Variants in GARNL3 observed in about 807,000 individuals in gnomAD.
The protein encoded by GARNL3 is GTPase activating Rap/RanGAP domain like 3.
Under a neutral mutation model 125.0 loss-of-function variants are expected in GARNL3, and 63 were observed. The observed-to-expected ratio is 0.50, with a 90% confidence interval of 0.41 to 0.62. The LOEUF is 0.62. Ranked by LOEUF, GARNL3 falls within the 20% of genes least tolerant of loss-of-function variation. The probability of loss-of-function intolerance (pLI) is 0.00; values close to 1 mark genes in which losing one functional copy is unlikely to be tolerated. For missense variants in GARNL3, 994 were observed against 1,244.0 expected (o/e 0.80, Z 3.02); for synonymous variants, 439 against 457.5 (o/e 0.96, Z 0.52).
chr9:127,346,176 C>G (rs1830129725), intron 16 of GARNL3, among the ~76,000 whole-genome samples: 1 of 152,148 alleles, frequency 6.6e-6, no homozygotes, highest in Non-Finnish European at 1.5e-5. Context: ...CAAAAATACA[C>G]AAATTATATT....
intron 1 of GARNL3, among the ~76,000 whole-genome samples, chr9:127,227,705 C>T (rs1052902966): frequency 1.3e-5 from 2 of 152,076 alleles, no homozygotes; most frequent in Admixed American, 1.3e-4. Context: ...CCGCTTGAGG[C>T]CTCAGGAGTT....
At chr9:127,236,357 ACT>A (rs1459587137) in intron 1 of GARNL3, among the ~76,000 whole-genome samples, 4 of 152,226 alleles carry the variant, frequency 2.6e-5, no homozygotes, top group Admixed American at 6.5e-5. Flanking sequence ...ACTTGAAAAG[ACT>A]CAAAACAATG....
rs372292012 is a variant in GARNL3 at position 127,335,379 on chromosome 9, G to A, written c.873+46G>A. The A allele has an allele frequency of 7.2e-5, 98 of 1,367,868 alleles. No homozygotes were observed. In the African/African-American group the frequency reaches 1.3e-3, roughly 18 times the overall value. 84.7% of individuals were successfully genotyped at this position (1,367,868 alleles called of 1,614,324 possible). A position where few individuals can be genotyped will look rare whatever the true frequency, so the allele number is the denominator to read the frequency against. On this transcript the variant is annotated intron_variant, in intron 10 of 27. Transcript: ENST00000373387. ...CATCAAATAGTGATGTGAATGTGGA[G>A]AGGGCACCATTATGATTCCATAGAA...
intron 25 of GARNL3, among the ~76,000 whole-genome samples, chr9:127,387,632 A>G (rs909466484): frequency 2.0e-5 from 3 of 151,692 alleles, no homozygotes; most frequent in African/African-American, 7.3e-5. Context: ...AATCCCAGCT[A>G]CTTGGGAGGC....
At chr9:127,228,278 A>C (rs1057075667) in intron 1 of GARNL3, among the ~76,000 whole-genome samples, 1 of 152,234 alleles carries the variant, frequency 6.6e-6, no homozygotes, top group Non-Finnish European at 1.5e-5. Context: ...AGCTATGAAG[A>C]GGTCAACTTT....
chr9:127,262,120 C>A (rs1286532835), upstream of GARNL3, among the ~76,000 whole-genome samples: 1 of 152,182 alleles, frequency 6.6e-6, no homozygotes, highest in Non-Finnish European at 1.5e-5. Flanking sequence ...TCCTCACTGG[C>A]TGCTGCCTGC....
intron 5 of GARNL3, among the ~76,000 whole-genome samples, chr9:127,320,384 T>C (rs1208661553): frequency 6.6e-6 from 1 of 152,222 alleles, no homozygotes; most frequent in Non-Finnish European, 1.5e-5. Flanking sequence ...GGATGGTCTT[T>C]TGCCCTATGT....
intron 2 of GARNL3, among the ~76,000 whole-genome samples, chr9:127,248,481 G>A (rs1322677985): frequency 2.0e-5 from 3 of 152,066 alleles, no homozygotes; most frequent in African/African-American, 7.3e-5. Context: ...GGTTGCCCCA[G>A]GGTGTAAACT....
intron 1 of GARNL3, among the ~76,000 whole-genome samples, chr9:127,276,110 T>C (rs1479382079): frequency 1.3e-5 from 2 of 151,794 alleles, no homozygotes; most frequent in African/African-American, 4.9e-5. Context: ...CCAAATCCAG[T>C]TGGCATTCCT....
At chr9:127,231,335 G>A (rs567919013) in intron 1 of GARNL3, among the ~76,000 whole-genome samples, 12 of 147,156 alleles carry the variant, frequency 8.2e-5, no homozygotes, top group South Asian at 2.2e-4. Flanking sequence ...GCCTCCCAAC[G>A]TGCTGGGATT....
chr9:127,325,145 A>G (rs1308986805), intron 7 of GARNL3, 50 bp downstream of exon 7: 18 of 1,566,436 alleles, frequency 1.1e-5, no homozygotes, highest in Non-Finnish European at 1.6e-5. Flanking sequence ...CCATGTTTGT[A>G]AATATATTTC....
At chr9:127,288,579 C>T (rs888459324) in intron 1 of GARNL3, among the ~76,000 whole-genome samples, 3 of 152,100 alleles carry the variant, frequency 2.0e-5, no homozygotes, top group Admixed American at 2.0e-4. Flanking sequence ...GATAGTCAAA[C>T]CCATTAGCAT....
chr9:127,339,005 A>C (rs561298249), intron 12 of GARNL3, among the ~76,000 whole-genome samples: 1 of 152,292 alleles, frequency 6.6e-6, no homozygotes, highest in East Asian at 1.9e-4. Context: ...GAAGAAAAAG[A>C]GGTTTAATTG....
intron 27 of GARNL3, among the ~76,000 whole-genome samples, chr9:127,391,533 A>AATATATATATATATATATATATATATAT (rs1554741684): frequency 2.6e-5 from 2 of 75,838 alleles, no homozygotes; most frequent in Non-Finnish European, 3.2e-5. Flanking sequence ...ACAAAAAAAA[A>AATATATATATATATATATATATATATAT]ATATATATAT....
At chr9:127,389,340 C>T (rs1363832397) in intron 26 of GARNL3, among the ~76,000 whole-genome samples, 1 of 152,132 alleles carries the variant, frequency 6.6e-6, no homozygotes, top group Non-Finnish European at 1.5e-5. Flanking sequence ...GAAAGCTGCT[C>T]AAGCCATGTG....
At chr9:127,380,169 G>A (rs1832166594) in intron 22 of GARNL3, among the ~76,000 whole-genome samples, 1 of 148,892 alleles carries the variant, frequency 6.7e-6, no homozygotes, top group African/African-American at 2.5e-5. Flanking sequence ...CTCCAGCCTG[G>A]GTGATAGAGC....
intron 22 of GARNL3, among the ~76,000 whole-genome samples, chr9:127,378,261 AAT>A (rs1554736608): frequency 6.6e-6 from 1 of 151,286 alleles, no homozygotes; most frequent in East Asian, 1.9e-4. Context: ...AAAAAAAAAA[AAT>A]CATTAACATA....
At chr9:127,267,646 T>G (rs1241596592) in intron 1 of GARNL3, among the ~76,000 whole-genome samples, 1 of 152,218 alleles carries the variant, frequency 6.6e-6, no homozygotes, top group Admixed American at 6.5e-5. Flanking sequence ...TATCTGAGGA[T>G]CTCTTGAAAT....
At chr9:127,259,878 CA>C (rs1273654516), upstream of GARNL3, among the ~76,000 whole-genome samples, 1 of 151,122 alleles carries the variant, frequency 6.6e-6, no homozygotes, top group African/African-American at 2.4e-5. Context: ...CCCATCTCTA[CA>C]AAAAAAAATT....
Sources: allele counts gnomAD v4.1 joint callset (sites outside exome capture counted in the v4.1 genomes callset), GRCh38; gene constraint gnomAD v4.1.1; transcripts MANE v1.5; gene names NCBI Gene and HGNC (gene_info 2026-07-23, HGNC 2026-07-21).